Variants in PPP1R9A observed in about 807,000 individuals in gnomAD.
PPP1R9A encodes the protein protein phosphatase 1 regulatory subunit 9A, also known as neurabin-1.
A neutral mutation model predicts 141.9 loss-of-function variants in PPP1R9A; 59 were observed. The ratio of observed to expected loss-of-function variants is 0.42; its 90% CI spans 0.34 to 0.52. The LOEUF is 0.52. Among genes scored for constraint, PPP1R9A ranks in the 20% least tolerant of loss-of-function variants. PPP1R9A has a pLI of 0.10. For synonymous variants in PPP1R9A, 500 were observed against 569.7 expected, an observed-to-expected ratio of 0.88 and a Z score of 1.74; for missense variants, 1,444 against 1,611.9, an observed-to-expected ratio of 0.90 and a Z score of 1.78.
intron 7 of PPP1R9A, among the ~76,000 whole-genome samples, chr7:95,209,536 A>G (rs1321019900): frequency 6.6e-6 from 1 of 152,196 alleles, no homozygotes; most frequent in Non-Finnish European, 1.5e-5. Context: ...GCAAGAAGGA[A>G]TGGCTGCCAC....
chr7:95,088,564 C>T (rs984986435), intron 2 of PPP1R9A, among the ~76,000 whole-genome samples: 21 of 151,918 alleles, frequency 1.4e-4, no homozygotes, highest in Admixed American at 7.9e-4. Flanking sequence ...TTCGAGAAGC[C>T]TATTGAACAA....
In PPP1R9A at chr7:95,120,738, A is replaced by T. The variant is rs1429200585; in HGVS notation, c.1555A>T (p.Ile519Phe). The T allele has an allele frequency of 6.2e-7, 1 of 1,613,822 alleles. No homozygotes were observed. Among genetic ancestry groups the T allele is most frequent in the African/African-American group, 1.3e-5 (1 of 75,006 alleles). The change falls in exon 4 of 20, where the codon ATT becomes TTT. Residue 519 changes from isoleucine to phenylalanine, a missense_variant. Physicochemically the swap from Ile to Phe is conservative, Grantham distance 21 (BLOSUM62 0). Transcript: ENST00000433360. The part of the protein sequence containing the change: ...KDEDGLGISI[I>F]GMGVGADAGL... ...TGAGGATGGTCTTGGTATAAGTATT[A>T]TTGGAATGGGTGTTGGAGCAGATGC...
Position 95,291,503 on chromosome 7 carries a change from G to A in PPP1R9A, c.*1200G>A, listed in dbSNP as rs553774856. The A allele has an allele frequency of 2.6e-5, 4 of 152,194 alleles. No individual in the cohort carries two copies. Among genetic ancestry groups the A allele is most frequent in the African/African-American group, 9.7e-5 (4 of 41,450 alleles). The allele number at this position is 152,194 out of a possible 1,614,324, so 9.4% of individuals were successfully genotyped here. On this transcript the variant is annotated 3_prime_UTR_variant, in exon 20 of 20. Transcript: ENST00000433360. ...TAAGGCAGTGCATAGGTATACTTTA[G>A]TAGTGGAGGAACTTATACTAATTTT... is the stretch of plus-strand genomic sequence containing the variant.
intron 2 of PPP1R9A, among the ~76,000 whole-genome samples, chr7:95,096,412 T>C (rs1350736888): frequency 6.6e-6 from 1 of 152,030 alleles, no homozygotes; most frequent in Non-Finnish European, 1.5e-5. Context: ...CTTGCCTTCC[T>C]TCTTCTGTTG....
intron 2 of PPP1R9A, among the ~76,000 whole-genome samples, chr7:95,080,844 A>G (rs577973038): frequency 4.3e-4 from 66 of 152,324 alleles, no homozygotes; most frequent in African/African-American, 1.4e-3. Flanking sequence ...AGTAGATGTT[A>G]TAACAGGTTC....
intron 2 of PPP1R9A, chr7:95,036,547 T>G (rs1237069448): frequency 6.6e-6 from 1 of 152,204 alleles, no homozygotes; most frequent in Non-Finnish European, 1.5e-5. Context: ...TGCAATCCAG[T>G]AATCAGGAAG....
Position 95,269,131 on chromosome 7 carries a change from T to TGAAATAATA in PPP1R9A, c.2824-76_2824-75insGAAATAATA. The TGAAATAATA allele has an allele frequency of 2.2e-6, 3 of 1,366,182 alleles. No individual in the cohort carries two copies. In the South Asian group the frequency reaches 4.1e-5, roughly 19 times the overall value. The allele number at this position is 1,366,182 out of a possible 1,614,324, so 84.6% of individuals were successfully genotyped here. On this transcript the variant is annotated intron_variant, in intron 13 of 19. Transcript: ENST00000433360. ...TGGGGATTCACTAATAAAAGGTTGGTCTTATTTCAAAGTAAGTATTGCATA... is the reference window on the plus strand; with the variant it reads ...TGGGGATTCACTAATAAAAGGTTGGTGAAATAATACTTATTTCAAAGTAAGTATTGCATA...
At chr7:95,221,499 T>G (rs934053392) in intron 7 of PPP1R9A, among the ~76,000 whole-genome samples, 8 of 152,052 alleles carry the variant, frequency 5.3e-5, no homozygotes, top group Admixed American at 2.6e-4. Flanking sequence ...GGCTCTAGTA[T>G]GTCTACATAC....
At chr7:95,064,039 ACT>A (rs1254870648) in intron 2 of PPP1R9A, among the ~76,000 whole-genome samples, 3 of 152,028 alleles carry the variant, frequency 2.0e-5, no homozygotes, top group Non-Finnish European at 4.4e-5. Context: ...AAATTGTTTA[ACT>A]CTGTACATTC....
At chr7:95,212,991 C>T (rs1319663369) in intron 7 of PPP1R9A, among the ~76,000 whole-genome samples, 2 of 152,048 alleles carry the variant, frequency 1.3e-5, no homozygotes, top group Non-Finnish European at 2.9e-5. Flanking sequence ...TTGGTCCTAG[C>T]CACTCTTGGT....
At chr7:95,264,126 C>G (rs1800879317) in intron 12 of PPP1R9A, among the ~76,000 whole-genome samples, 3 of 152,164 alleles carry the variant, frequency 2.0e-5, no homozygotes, top group South Asian at 4.1e-4. Context: ...ATAAACTTAC[C>G]TCCTGAAGGC....
chr7:95,209,391 A>C (rs756057636), intron 7 of PPP1R9A, among the ~76,000 whole-genome samples: 2 of 152,170 alleles, frequency 1.3e-5, no homozygotes, highest in African/African-American at 2.4e-5. Context: ...CCAAATCTGA[A>C]TATGGCTTGC....
intron 4 of PPP1R9A, among the ~76,000 whole-genome samples, chr7:95,128,819 C>A (rs1824042427): frequency 6.6e-6 from 1 of 152,178 alleles, no homozygotes; most frequent in African/African-American, 2.4e-5. Context: ...CTCAGGTGAT[C>A]CACCCGCCTC....
chr7:95,216,848 C>T lies in PPP1R9A; in HGVS notation c.1957-9113C>T, dbSNP rs554085434. On this transcript the variant is annotated intron_variant, in intron 7 of 19. Coordinates refer to ENST00000433360, the MANE Select transcript of PPP1R9A (RefSeq NM_001166160.2). ...CTGAGACTTTGCTGAAGTTGTTTAT[C>T]AGCTTAAGGAGATTTTGGGCTGAGA... is the stretch of plus-strand genomic sequence containing the variant. Among the ~76,000 whole-genome samples, 6 of 152,270 alleles carry T rather than the reference C, an allele frequency of 3.9e-5. No homozygotes were observed. In the East Asian group the frequency reaches 1.2e-3, roughly 29 times the overall value.
intron 2 of PPP1R9A, among the ~76,000 whole-genome samples, chr7:94,947,221 A>T (rs1795990906): frequency 6.6e-6 from 1 of 152,122 alleles, no homozygotes; most frequent in South Asian, 2.1e-4. Context: ...GCTTCCAGGG[A>T]CAGACATTGG....
chr7:94,996,801 T>G (rs901886337), intron 2 of PPP1R9A, among the ~76,000 whole-genome samples: 8 of 40,254 alleles, frequency 2.0e-4, no homozygotes, highest in African/African-American at 5.9e-4. Context: ...TACTCTGTGT[T>G]TTTTTTTTTT....
Position 95,247,766 on chromosome 7 carries a change from G to A in PPP1R9A, c.2166+240G>A, listed in dbSNP as rs116301788. Among the ~76,000 whole-genome samples the A allele has an allele frequency of 8.7e-3, 1,320 of 152,126 alleles. 16 individuals are homozygous for A. Among genetic ancestry groups the A allele is most frequent in the African/African-American group, 0.031 (1,269 of 41,490 alleles). ...ATATTTATGTATTTGCACATATGTG[G>A]CCTCTGAGATTTCCTTAAAAAGTAA... is the stretch of plus-strand genomic sequence containing the variant. On this transcript the variant is annotated intron_variant, in intron 9 of 19. Transcript: ENST00000433360.
intron 2 of PPP1R9A, among the ~76,000 whole-genome samples, chr7:95,102,573 A>G (rs1385256715): frequency 1.3e-5 from 2 of 152,222 alleles, no homozygotes; most frequent in African/African-American, 4.8e-5. Context: ...CCGCTGCCTT[A>G]CATGTGGGCC....
At chr7:95,253,062 G>A (rs1799112452) in intron 12 of PPP1R9A, among the ~76,000 whole-genome samples, 2 of 152,160 alleles carry the variant, frequency 1.3e-5, no homozygotes, top group African/African-American at 4.8e-5. Flanking sequence ...GTATGAACAT[G>A]AATGACTGTT....
Sources: allele counts gnomAD v4.1 joint callset (sites outside exome capture counted in the v4.1 genomes callset), GRCh38; gene constraint gnomAD v4.1.1; transcripts MANE v1.5; gene names NCBI Gene and HGNC (gene_info 2026-07-23, HGNC 2026-07-21).